MTHFD1L: variants seen among roughly 807,000 people sequenced by gnomAD.
MTHFD1L encodes the protein monofunctional C1-tetrahydrofolate synthase, mitochondrial.
A neutral mutation model predicts 119.5 loss-of-function variants in MTHFD1L; 81 were observed. The observed-to-expected ratio is 0.68, with a 90% CI of 0.57 to 0.82. The LOEUF (loss-of-function observed/expected upper bound fraction) is 0.82. Among genes scored for constraint, MTHFD1L ranks in the 40% least tolerant of loss-of-function variants. MTHFD1L has a pLI of 0.00. For synonymous variants in MTHFD1L, 430 were observed against 475.2 expected, an observed-to-expected ratio of 0.90 and a Z score of 1.24; for missense variants, 1,125 against 1,253.4, an observed-to-expected ratio of 0.90 and a Z score of 1.55.
chr6:151,040,777 C>G (rs967713751), intron 26 of MTHFD1L, among the ~76,000 whole-genome samples: 2 of 152,154 alleles, frequency 1.3e-5, no homozygotes, highest in African/African-American at 4.8e-5. Flanking sequence ...AACAAATATA[C>G]AATGTGAATC....
chr6:151,099,617 T>G, intron 27 of MTHFD1L: 2 of 1,609,978 alleles, frequency 1.2e-6, no homozygotes, highest in South Asian at 2.2e-5. Context: ...TATGTCAAAA[T>G]TAAGCGTAAC....
intron 8 of MTHFD1L, among the ~76,000 whole-genome samples, chr6:150,908,370 C>A (rs1786291231): frequency 6.6e-6 from 1 of 151,744 alleles, no homozygotes; most frequent in Non-Finnish European, 1.5e-5. Context: ...CGCCTGTAAT[C>A]CTAACACTTT....
intron 20 of MTHFD1L, among the ~76,000 whole-genome samples, chr6:150,974,923 A>C (rs1776336723): frequency 2.3e-5 from 3 of 130,150 alleles, no homozygotes; most frequent in African/African-American, 7.9e-5. Context: ...TTTTTAGTAG[A>C]GATGGGGTTT....
At chr6:151,032,119 T>C (rs1352252744) in intron 24 of MTHFD1L, among the ~76,000 whole-genome samples, 1 of 152,256 alleles carries the variant, frequency 6.6e-6, no homozygotes, top group African/African-American at 2.4e-5. Flanking sequence ...TTTGGTTTTG[T>C]TTTATTTTTA....
At chr6:151,037,480 G>A (rs1203830762) in intron 26 of MTHFD1L, among the ~76,000 whole-genome samples, 1 of 152,070 alleles carries the variant, frequency 6.6e-6, no homozygotes, top group Non-Finnish European at 1.5e-5. Context: ...CATCACGGTG[G>A]GGTTGACTGC....
intron 26 of MTHFD1L, among the ~76,000 whole-genome samples, chr6:151,056,697 A>C (rs1789994346): frequency 6.6e-6 from 1 of 152,112 alleles, no homozygotes; most frequent in South Asian, 2.1e-4. Context: ...CTCACCTGCC[A>C]TCCCCTCTGG....
At chr6:150,938,968 T>C (rs150331585) in intron 13 of MTHFD1L, among the ~76,000 whole-genome samples, 448 of 152,348 alleles carry the variant, frequency 2.9e-3, no homozygotes, top group Middle Eastern at 0.01. Context: ...TTGGCGTGAA[T>C]ATTCATATAC....
At chr6:150,962,905 TTTTCTTTTC>T (rs1431393156) in intron 18 of MTHFD1L, among the ~76,000 whole-genome samples, 17 of 135,814 alleles carry the variant, frequency 1.3e-4, no homozygotes, top group African/African-American at 4.9e-4. Context: ...TTCTTTTTTC[TTTTCTTTTC>T]TTTTTTTTTT....
chr6:150,874,296 GT>G, intron 1 of MTHFD1L, among the ~76,000 whole-genome samples: 1 of 152,320 alleles, frequency 6.6e-6, no homozygotes, highest in South Asian at 2.1e-4. Context: ...ATGTTCCCAG[GT>G]TATAGACAGT....
intron 26 of MTHFD1L, among the ~76,000 whole-genome samples, chr6:151,046,998 T>C (rs545903208): frequency 6.6e-6 from 1 of 152,276 alleles, no homozygotes; most frequent in Non-Finnish European, 1.5e-5. Flanking sequence ...ACGGATAATA[T>C]CTGGAACTCG....
intron 24 of MTHFD1L, among the ~76,000 whole-genome samples, chr6:151,030,002 G>C (rs1785113727): frequency 1.3e-5 from 2 of 152,080 alleles, no homozygotes; most frequent in South Asian, 4.1e-4. Flanking sequence ...ATCTTGTTTT[G>C]CTGTACTTCC....
Position 150,960,389 on chromosome 6 carries a change from G to A in MTHFD1L, c.1918G>A (p.Gly640Arg), listed in dbSNP as rs555776192. ...GRMVVASDKS[G>R]QPVTADDLGV... ...GATGGTGGTGGCCAGTGACAAAAGC[G>A]GGCAGCCTGTGACAGCAGATGATTT... The change falls in exon 18 of 28, where the codon GGG becomes AGG. Residue 640 changes from glycine (G) to arginine (R), a missense_variant. By Grantham distance (125) the Gly-to-Arg change is moderately radical. This residue lies in a region of MTHFD1L where 1,058 missense variants were observed against 1,151.2 expected (regional missense o/e 0.92). Transcript: ENST00000367321. 63 of 1,612,284 alleles carry A rather than the reference G, an allele frequency of 3.9e-5. No individual in the cohort carries two copies. The highest frequency in any genetic ancestry group is 1.7e-4 in the Middle Eastern group (1 of 6,052).
intron 20 of MTHFD1L, among the ~76,000 whole-genome samples, chr6:150,998,989 T>TAAAAA (rs201806937): frequency 4.7e-5 from 7 of 147,828 alleles, no homozygotes; most frequent in African/African-American, 1.8e-4. Flanking sequence ...GACCCTGTCT[T>TAAAAA]AAAAAAATAT....
At chr6:151,047,868 A>C (rs1788341499) in intron 26 of MTHFD1L, among the ~76,000 whole-genome samples, 1 of 152,178 alleles carries the variant, frequency 6.6e-6, no homozygotes, top group Non-Finnish European at 1.5e-5. Context: ...AAAGAGGTTT[A>C]ATTGACTCAG....
intron 20 of MTHFD1L, among the ~76,000 whole-genome samples, chr6:150,981,559 A>G (rs990337715): frequency 6.6e-6 from 1 of 152,198 alleles, no homozygotes; most frequent in Non-Finnish European, 1.5e-5. Flanking sequence ...TTCTCTAATG[A>G]GGTCACTGCA....
chr6:150,913,952 A>G (rs1025277043), intron 8 of MTHFD1L, among the ~76,000 whole-genome samples: 6 of 152,036 alleles, frequency 3.9e-5, no homozygotes, highest in Middle Eastern at 3.2e-3. Flanking sequence ...CCGTGGTGAA[A>G]CCCTGCCTCT....
intron 16 of MTHFD1L, among the ~76,000 whole-genome samples, chr6:150,950,362 G>A (rs921290115): frequency 3.9e-5 from 6 of 152,148 alleles, no homozygotes; most frequent in East Asian, 3.9e-4. Flanking sequence ...CCCAGGTCTC[G>A]TCCCTTCAGG....
rs149536323 is a variant in MTHFD1L, at chr6:150,955,394, G to A, written c.1727-601G>A. The stretch of plus-strand genomic sequence containing the variant: ...CACCTGTTGGTCGCTTCCTCCTTTT[G>A]ACTATTTTGAATAGTGCTGCTATGA... On this transcript the variant is annotated intron_variant, in intron 16 of 27. Coordinates refer to ENST00000367321, the MANE Select transcript of MTHFD1L (RefSeq NM_015440.5). Among the ~76,000 whole-genome samples, 1,472 of 151,590 alleles carry A rather than the reference G, an allele frequency of 9.7e-3. 12 individuals are homozygous for A. The highest frequency in any genetic ancestry group is 0.017 in the Middle Eastern group (5 of 292).
chr6:151,094,423 C>T (rs1263847765), intron 27 of MTHFD1L, among the ~76,000 whole-genome samples: 2 of 152,330 alleles, frequency 1.3e-5, no homozygotes, highest in Non-Finnish European at 1.5e-5. Context: ...AGTTCAGTGG[C>T]GTGATCTCTG....
Sources: allele counts gnomAD v4.1 joint callset (sites outside exome capture counted in the v4.1 genomes callset), GRCh38; gene constraint gnomAD v4.1.1; regional missense constraint gnomAD v4.1.1; transcripts MANE v1.5; gene names NCBI Gene and HGNC (gene_info 2026-07-23, HGNC 2026-07-21).